Variants in IGF2BP3 observed in about 807,000 individuals in gnomAD.
IGF2BP3 encodes insulin-like growth factor 2 mRNA-binding protein 3.
Under a neutral mutation model 73.8 loss-of-function variants are expected in IGF2BP3, and 9 were observed. The ratio of observed to expected loss-of-function variants is 0.12; its 90% CI spans 0.07 to 0.21. The LOEUF is 0.21. Among genes scored for constraint, IGF2BP3 ranks in the 10% least tolerant of loss-of-function variants. The pLI is 1.00. For missense variants in IGF2BP3, 542 were observed against 714.0 expected, an observed-to-expected ratio of 0.76 and a Z score of 2.75; for synonymous variants, 258 against 256.7, an observed-to-expected ratio of 1.01 and a Z score of -0.05.
chr7:23,417,861 T>C (rs935461849), intron 3 of IGF2BP3, among the ~76,000 whole-genome samples: 5 of 152,192 alleles, frequency 3.3e-5, no homozygotes, highest in Non-Finnish European at 4.4e-5. Flanking sequence ...ACTTGCAATA[T>C]ATTCAGCATA....
intron 2 of IGF2BP3, among the ~76,000 whole-genome samples, chr7:23,458,647 CTTATA>C (rs1455099857): frequency 6.6e-6 from 1 of 152,160 alleles, no homozygotes; most frequent in Non-Finnish European, 1.5e-5. Flanking sequence ...CCGCAAGCCA[CTTATA>C]TTAAGATGAA....
At chr7:23,428,479 G>GA (rs1159398485) in intron 2 of IGF2BP3, among the ~76,000 whole-genome samples, 1 of 147,898 alleles carries the variant, frequency 6.8e-6, no homozygotes, top group Non-Finnish European at 1.5e-5. Flanking sequence ...CTCAAAAAAA[G>GA]AAAAAAATAT....
chr7:23,372,051 G>C (rs62468200), intron 3 of IGF2BP3, among the ~76,000 whole-genome samples: 27,057 of 151,896 alleles, frequency 0.18, 3,062 homozygotes, highest in Middle Eastern at 0.32. Context: ...GAGAATAGGT[G>C]GTATTTGGTT....
chr7:23,317,880 T>A, intron 11 of IGF2BP3, 167 bp from the exon 12 acceptor site: 1 of 641,688 alleles, frequency 1.6e-6, no homozygotes, highest in Non-Finnish European at 2.8e-6. Context: ...AATTTAGGCC[T>A]CCCTCCTGCA....
At chr7:23,320,176 T>C (rs1784097605) in intron 10 of IGF2BP3, among the ~76,000 whole-genome samples, 1 of 152,094 alleles carries the variant, frequency 6.6e-6, no homozygotes, top group Non-Finnish European at 1.5e-5. Context: ...CCTCCCAAAG[T>C]GCTGGGATTA....
intron 2 of IGF2BP3, among the ~76,000 whole-genome samples, chr7:23,453,712 T>C (rs1223207815): frequency 1.3e-5 from 2 of 151,910 alleles, no homozygotes; most frequent in African/African-American, 4.8e-5. Flanking sequence ...GCTATATGAG[T>C]GGCCATGCCT....
chr7:23,329,035 C>T lies in IGF2BP3; in HGVS notation c.1204-9781G>A, dbSNP rs1390252622. Among the ~76,000 whole-genome samples, 4 of 152,118 alleles carry T rather than the reference C, an allele frequency of 2.6e-5. No individual in the cohort carries two copies. In the East Asian group the frequency reaches 7.7e-4, roughly 29 times the overall value. On this transcript the variant is annotated intron_variant, in intron 10 of 14. Transcript: ENST00000258729. Reference sequence around the variant, plus strand: ...CCATCCTGGCTAACACCGTGAAACCCCGTCTCTGCTAAAAAAGAAATACAA... The same window carrying T: ...CCATCCTGGCTAACACCGTGAAACCTCGTCTCTGCTAAAAAAGAAATACAA...
At chr7:23,463,720 T>G (rs1238588329) in intron 2 of IGF2BP3, among the ~76,000 whole-genome samples, 2 of 152,254 alleles carry the variant, frequency 1.3e-5, no homozygotes, top group African/African-American at 4.8e-5. Context: ...TCAGAGTTAC[T>G]GTGGACAGCC....
chr7:23,449,351 A>G (rs1788139664), intron 2 of IGF2BP3, among the ~76,000 whole-genome samples: 1 of 151,696 alleles, frequency 6.6e-6, no homozygotes, highest in Non-Finnish European at 1.5e-5. Flanking sequence ...CCCCGTCTCT[A>G]CTAAAAATAC....
At chr7:23,427,241 G>T (rs1024602361) in intron 2 of IGF2BP3, among the ~76,000 whole-genome samples, 1 of 152,024 alleles carries the variant, frequency 6.6e-6, no homozygotes, top group Non-Finnish European at 1.5e-5. Context: ...ATGAGGGTGC[G>T]GGCAGGAAGC....
chr7:23,316,618 T>C (rs534993944), intron 12 of IGF2BP3, among the ~76,000 whole-genome samples: 23 of 137,550 alleles, frequency 1.7e-4, no homozygotes, highest in Non-Finnish European at 3.0e-4. Flanking sequence ...GAGTTTGCAG[T>C]GAGCTGAGAT....
At chr7:23,442,098 G>T (rs1011579378) in intron 2 of IGF2BP3, among the ~76,000 whole-genome samples, 1 of 152,240 alleles carries the variant, frequency 6.6e-6, no homozygotes, top group African/African-American at 2.4e-5. Context: ...TTGCACTCCA[G>T]CCTGGGCAAC....
intron 13 of IGF2BP3, among the ~76,000 whole-genome samples, chr7:23,313,173 C>G (rs1783881054): frequency 6.6e-6 from 1 of 152,174 alleles, no homozygotes; most frequent in African/African-American, 2.4e-5. Flanking sequence ...AGACTAGAAA[C>G]AGTTTGCTTT....
intron 3 of IGF2BP3, chr7:23,405,139 G>C (rs1252777889): frequency 6.6e-6 from 1 of 152,152 alleles, no homozygotes; most frequent in Non-Finnish European, 1.5e-5. Flanking sequence ...TCACTTATGA[G>C]TAGTTACTCT....
chr7:23,366,387 C>G (rs896722510), intron 3 of IGF2BP3, among the ~76,000 whole-genome samples: 3 of 152,112 alleles, frequency 2.0e-5, no homozygotes, highest in Non-Finnish European at 2.9e-5. Flanking sequence ...ATCCACCCAC[C>G]TTGGTCTCCC....
chr7:23,453,059 G>C (rs774395789), intron 2 of IGF2BP3, among the ~76,000 whole-genome samples: 24 of 151,698 alleles, frequency 1.6e-4, no homozygotes, highest in Non-Finnish European at 2.9e-4. Flanking sequence ...GTAGCGAGCA[G>C]AAAGGTTGCA....
At chr7:23,321,234 G>T (rs1220124297) in intron 10 of IGF2BP3, among the ~76,000 whole-genome samples, 155 of 141,926 alleles carry the variant, frequency 1.1e-3, no homozygotes, top group South Asian at 2.0e-3. Flanking sequence ...GTGAGCCGAA[G>T]CAGGGCGAGG....
intron 2 of IGF2BP3, 67 bp from the exon 3 acceptor site, chr7:23,418,891 G>T: frequency 9.9e-7 from 1 of 1,013,314 alleles, no homozygotes; most frequent in Non-Finnish European, 1.5e-6. Flanking sequence ...TAGCCAACAT[G>T]GAAGTTTAGA....
intron 2 of IGF2BP3, among the ~76,000 whole-genome samples, chr7:23,443,111 T>TA: frequency 7.3e-6 from 1 of 137,460 alleles, no homozygotes; most frequent in Admixed American, 7.3e-5. Flanking sequence ...GATTTTTTTT[T>TA]TTTTTTTTTT....
Sources: allele counts gnomAD v4.1 joint callset (sites outside exome capture counted in the v4.1 genomes callset), GRCh38; gene constraint gnomAD v4.1.1; transcripts MANE v1.5; gene names NCBI Gene and HGNC (gene_info 2026-07-23, HGNC 2026-07-21).